ROBO1: variants seen among roughly 807,000 people sequenced by gnomAD.
The protein encoded by ROBO1 is roundabout homolog 1.
ROBO1 carries 149 observed loss-of-function variants against 195.9 expected under a neutral mutation model. The ratio of observed to expected loss-of-function variants is 0.76; its 90% CI spans 0.67 to 0.87. The LOEUF (loss-of-function observed/expected upper bound fraction) is 0.87, where lower values mean the gene tolerates loss of function less well. Ranked by LOEUF, ROBO1 falls within the 40% of genes least tolerant of loss-of-function variation. The pLI, the probability that ROBO1 is intolerant of heterozygous loss-of-function variation, is 0.00. For synonymous variants in ROBO1, 816 were observed against 733.2 expected (o/e 1.11, Z -1.82); for missense variants, 1,933 against 2,068.3 (o/e 0.93, Z 1.27).
At chr3:79,064,655 G>A (rs970430983) in intron 3 of ROBO1, among the ~76,000 whole-genome samples, 6 of 151,860 alleles carry the variant, frequency 4.0e-5, no homozygotes, top group South Asian at 2.1e-4. Context: ...ACACCACTTC[G>A]GAGTAATCTA....
chr3:79,457,549 C>G (rs1424636979), intron 2 of ROBO1, among the ~76,000 whole-genome samples: 1 of 152,016 alleles, frequency 6.6e-6, no homozygotes, highest in Non-Finnish European at 1.5e-5. Flanking sequence ...TTGACTGTGT[C>G]CCCACCCAAA....
At chr3:78,661,910 C>A in intron 15 of ROBO1, 83 bp downstream of exon 15, 1 of 1,431,402 alleles carries the variant, frequency 7.0e-7, no homozygotes, top group Non-Finnish European at 9.5e-7. Flanking sequence ...TACAAGTAGG[C>A]AACAGATAGT....
chr3:79,616,346 G>A (rs1200520519), intron 1 of ROBO1, among the ~76,000 whole-genome samples: 3 of 151,958 alleles, frequency 2.0e-5, no homozygotes, highest in African/African-American at 7.3e-5. Context: ...AATTCACATT[G>A]TAAACAAAAA....
At chr3:79,004,890 T>C (rs1323018444) in intron 3 of ROBO1, among the ~76,000 whole-genome samples, 2 of 152,110 alleles carry the variant, frequency 1.3e-5, no homozygotes, top group Non-Finnish European at 2.9e-5. Flanking sequence ...AAAAGGTCTT[T>C]GTAAGGAAAT....
chr3:78,659,916 T>C (rs1386649087), intron 16 of ROBO1, 109 bp from the exon 17 acceptor site: 1 of 609,674 alleles, frequency 1.6e-6, no homozygotes, highest in South Asian at 3.3e-5. Flanking sequence ...TATCAATATA[T>C]GCTTTTTTTT....
intron 21 of ROBO1, among the ~76,000 whole-genome samples, chr3:78,641,584 T>TA (rs1468467509): frequency 6.6e-6 from 1 of 152,214 alleles, no homozygotes; most frequent in East Asian, 1.9e-4. Context: ...CTGCATCTAG[T>TA]AATCTTTTGC....
At chr3:78,772,711 T>G (rs1430062401) in intron 4 of ROBO1, among the ~76,000 whole-genome samples, 1 of 152,130 alleles carries the variant, frequency 6.6e-6, no homozygotes, top group Non-Finnish European at 1.5e-5. Context: ...ATGAGTCTAC[T>G]TCTCAGGCCT....
At chr3:78,929,637 G>A (rs1427059669) in intron 4 of ROBO1, among the ~76,000 whole-genome samples, 6 of 151,712 alleles carry the variant, frequency 4.0e-5, no homozygotes, top group Non-Finnish European at 8.8e-5. Context: ...TGTGTAGCTG[G>A]GATTACAGGC....
chr3:78,716,452 C>CTT (rs1480981370), intron 7 of ROBO1, among the ~76,000 whole-genome samples: 4 of 152,256 alleles, frequency 2.6e-5, no homozygotes, highest in South Asian at 2.1e-4. Context: ...AACTCACTCA[C>CTT]TATCACAAGA....
At chr3:79,710,611 AGCATAATAATGT>A (rs1221599797) in intron 1 of ROBO1, among the ~76,000 whole-genome samples, 2 of 152,192 alleles carry the variant, frequency 1.3e-5, no homozygotes, top group African/African-American at 2.4e-5. Context: ...GGTTTGAGAC[AGCATAATAATGT>A]GCAAGGCAAT....
intron 10 of ROBO1, among the ~76,000 whole-genome samples, chr3:78,673,410 T>C (rs1708178586): frequency 6.8e-6 from 1 of 146,702 alleles, no homozygotes; most frequent in South Asian, 2.1e-4. Flanking sequence ...TACAGCAGGG[T>C]TACACCACCT....
intron 8 of ROBO1, among the ~76,000 whole-genome samples, chr3:78,709,448 CA>C (rs2081629694): frequency 6.6e-6 from 1 of 152,072 alleles, no homozygotes; most frequent in East Asian, 1.9e-4. Context: ...ATTTTTAGCC[CA>C]AACTTCCTAA....
At chr3:79,329,490 T>G (rs1380507766) in intron 2 of ROBO1, among the ~76,000 whole-genome samples, 15 of 152,186 alleles carry the variant, frequency 9.9e-5, no homozygotes, top group Admixed American at 9.2e-4. Context: ...AATTAATTTG[T>G]TTTCTTATAA....
intron 4 of ROBO1, among the ~76,000 whole-genome samples, chr3:78,816,773 C>A (rs1216004927): frequency 6.6e-6 from 1 of 152,122 alleles, no homozygotes; most frequent in East Asian, 1.9e-4. Flanking sequence ...GATGATGCGA[C>A]TGAATTGCTG....
chr3:79,166,329 T>C (rs1341002207), intron 2 of ROBO1, among the ~76,000 whole-genome samples: 2 of 152,162 alleles, frequency 1.3e-5, no homozygotes, highest in Non-Finnish European at 2.9e-5. Context: ...GCTGTATTAT[T>C]TATGATGGTT....
At chr3:79,358,895 A>C (rs1250437038) in intron 2 of ROBO1, among the ~76,000 whole-genome samples, 2 of 152,036 alleles carry the variant, frequency 1.3e-5, no homozygotes, top group African/African-American at 4.8e-5. Flanking sequence ...TACTGTCCTG[A>C]ATATTTTTTG....
chr3:79,270,519 T>C (rs1208437021), intron 2 of ROBO1, among the ~76,000 whole-genome samples: 2 of 151,790 alleles, frequency 1.3e-5, no homozygotes, highest in African/African-American at 4.8e-5. Context: ...AGGCAGTTTT[T>C]TTTTTCCCCC....
intron 2 of ROBO1, among the ~76,000 whole-genome samples, chr3:79,403,460 A>G (rs2037437276): frequency 6.6e-6 from 1 of 152,000 alleles, no homozygotes; most frequent in Admixed American, 6.6e-5. Context: ...GTCCAAAACT[A>G]ACTGAGTTCT....
intron 4 of ROBO1, among the ~76,000 whole-genome samples, chr3:78,862,324 C>G (rs1373978903): frequency 1.3e-5 from 2 of 152,108 alleles, no homozygotes; most frequent in Non-Finnish European, 2.9e-5. Flanking sequence ...AAATAGGAAA[C>G]TCATTCTGAT....
Sources: allele counts gnomAD v4.1 joint callset (sites outside exome capture counted in the v4.1 genomes callset), GRCh38; gene constraint gnomAD v4.1.1; transcripts MANE v1.5; gene names NCBI Gene and HGNC (gene_info 2026-07-23, HGNC 2026-07-21).